LAMA2: variants seen among roughly 807,000 people sequenced by gnomAD.
LAMA2 encodes the protein laminin subunit alpha 2, also known as laminin subunit alpha-2.
LAMA2 carries 269 observed loss-of-function variants against 364.8 expected under a neutral mutation model. The ratio of observed to expected loss-of-function variants is 0.74; its 90% CI spans 0.67 to 0.82. The LOEUF (loss-of-function observed/expected upper bound fraction) is 0.82. LAMA2 is among the 40% of genes least tolerant of loss of function. LAMA2 has a pLI of 0.00. For missense variants in LAMA2, 3,807 were observed against 3,873.2 expected, an observed-to-expected ratio of 0.98 and a Z score of 0.45; for synonymous variants, 1,379 against 1,370.6, an observed-to-expected ratio of 1.01 and a Z score of -0.14.
intron 8 of LAMA2, among the ~76,000 whole-genome samples, chr6:129,161,344 G>C (rs1235925563): frequency 6.6e-6 from 1 of 152,012 alleles, no homozygotes; most frequent in Non-Finnish European, 1.5e-5. Flanking sequence ...ATTACTGTGT[G>C]TTTAGTCCCT....
intron 6 of LAMA2, among the ~76,000 whole-genome samples, chr6:129,148,359 G>A (rs1664900824): frequency 6.6e-6 from 1 of 152,026 alleles, no homozygotes; most frequent in South Asian, 2.1e-4. Context: ...ATCAGATGGA[G>A]GGAGGCAAAG....
At chr6:129,170,941 TC>T (rs1780105306) in intron 9 of LAMA2, among the ~76,000 whole-genome samples, 1 of 151,182 alleles carries the variant, frequency 6.6e-6, no homozygotes, top group African/African-American at 2.4e-5. Context: ...GCCTTCTTTG[TC>T]TCTTTTGATG....
chr6:129,180,005 TATG>T (rs1198493446), intron 10 of LAMA2, among the ~76,000 whole-genome samples: 4 of 151,700 alleles, frequency 2.6e-5, no homozygotes. Context: ...TTCAACAAAA[TATG>T]CATACAATTT....
rs999596967 is a variant in LAMA2, at chr6:129,393,158, T to G, written c.5348T>G (p.Val1783Gly). ...REKLADYKNKVDDAWDLLREA... is the reference protein window; with the variant it reads ...REKLADYKNKGDDAWDLLREA... ...AAACTGGCTGACTACAAAAACAAAG[T>G]TGATGATGCTTGGGACCTTTTGAGA... Residue 1783 changes from valine (V) to glycine (G), a missense_variant, in exon 37 of 65, where the codon GTT becomes GGT. Coordinates refer to ENST00000421865, the MANE Select transcript of LAMA2 (RefSeq NM_000426.4). 4 of 1,613,974 alleles carry G rather than the reference T, an allele frequency of 2.5e-6. No individual in the cohort carries two copies. Among genetic ancestry groups the G allele is most frequent in the Non-Finnish European group, 3.4e-6 (4 of 1,179,916 alleles).
intron 12 of LAMA2, among the ~76,000 whole-genome samples, chr6:129,223,389 T>G (rs577766184): frequency 2.6e-5 from 4 of 152,234 alleles, no homozygotes; most frequent in Non-Finnish European, 4.4e-5. Context: ...GCCCTTGCTT[T>G]TCGTGTTTTA....
At chr6:129,507,321 G>A (rs1786170756) in intron 61 of LAMA2, among the ~76,000 whole-genome samples, 168 bp from the exon 62 acceptor site, 2 of 152,164 alleles carry the variant, frequency 1.3e-5, no homozygotes, top group African/African-American at 4.8e-5. Flanking sequence ...CTGCATCCAT[G>A]CCAGGAGGCC....
At chr6:129,211,849 G>A (rs1783120036) in intron 12 of LAMA2, among the ~76,000 whole-genome samples, 1 of 152,110 alleles carries the variant, frequency 6.6e-6, no homozygotes, top group South Asian at 2.1e-4. Context: ...CAAATTCCTG[G>A]TGAGTGACAA....
chr6:129,504,174 AT>A (rs1243767442), intron 60 of LAMA2, among the ~76,000 whole-genome samples: 8 of 152,176 alleles, frequency 5.3e-5, no homozygotes, highest in Non-Finnish European at 1.2e-4. Flanking sequence ...AAGCCAACCA[AT>A]TTGTTATCAT....
intron 31 of LAMA2, among the ~76,000 whole-genome samples, chr6:129,349,879 AC>A (rs1776762483): frequency 6.6e-6 from 1 of 152,194 alleles, no homozygotes; most frequent in Middle Eastern, 3.4e-3. Flanking sequence ...TAGTACCCAG[AC>A]AATAAAGTAT....
chr6:129,190,223 G>T lies in LAMA2; in HGVS notation c.1486G>T (p.Asp496Tyr). Reference sequence around the variant, plus strand: ...TTTGCAGGAAAATGTTGAAGGAGGAGACTGTAGTCGTTGCAAATCCGGCTT... The same window carrying T: ...TTTGCAGGAAAATGTTGAAGGAGGATACTGTAGTCGTTGCAAATCCGGCTT... ...CICKENVEGG[D>Y]CSRCKSGFFN... Residue 496 changes from aspartate (D) to tyrosine (Y), a missense_variant, in exon 11 of 65, where the codon GAC becomes TAC. Transcript: ENST00000421865. The T allele has an allele frequency of 6.2e-7, 1 of 1,613,606 alleles. No homozygotes were observed. The highest frequency in any genetic ancestry group is 8.5e-7 in the Non-Finnish European group (1 of 1,179,568).
At chr6:129,375,752 T>C (rs1778336138) in intron 34 of LAMA2, among the ~76,000 whole-genome samples, 1 of 152,212 alleles carries the variant, frequency 6.6e-6, no homozygotes, top group African/African-American at 2.4e-5. Flanking sequence ...AATTCATAAA[T>C]CTATATTTTC....
chr6:129,298,301 G>A (rs906623251), intron 21 of LAMA2, among the ~76,000 whole-genome samples: 1 of 151,024 alleles, frequency 6.6e-6, no homozygotes, highest in African/African-American at 2.4e-5. Context: ...TTTTTTCCTG[G>A]TACCCCAAAA....
chr6:129,385,269 G>A (rs973121196), intron 35 of LAMA2, among the ~76,000 whole-genome samples: 5 of 87,084 alleles, frequency 5.7e-5, no homozygotes, highest in Middle Eastern at 7.5e-3. Flanking sequence ...GGGGGGGAAA[G>A]AAGGAAGGGA....
At chr6:129,428,054 A>G (rs1033973714) in intron 41 of LAMA2, among the ~76,000 whole-genome samples, 200 bp downstream of exon 41, 5 of 152,200 alleles carry the variant, frequency 3.3e-5, no homozygotes, top group South Asian at 4.1e-4. Flanking sequence ...GTAATATCTC[A>G]TAATTTGTAA....
In LAMA2 at chr6:129,473,234, A is replaced by G. The variant is rs761249176; in HGVS notation, c.7321A>G (p.Ile2441Val). 6.2e-7 allele frequency: 1 copy of G among 1,601,520 alleles called. No individual in the cohort carries two copies. Among genetic ancestry groups the G allele is most frequent in the East Asian group, 2.2e-5 (1 of 44,648 alleles). ...TACAGCCAATATATCAATTGTAGAT[A>G]TAGATACTAATCAGGAGGAGAATAT... is the stretch of plus-strand genomic sequence containing the variant. ...QKQANISIVDIDTNQEENIAT... is the reference protein window; with the variant it reads ...QKQANISIVDVDTNQEENIAT... Residue 2441 changes from isoleucine (I) to valine (V), a missense_variant, in exon 52 of 65, where the codon ATA (isoleucine) becomes GTA (valine). Physicochemically the swap from Ile to Val is conservative, Grantham distance 29 (BLOSUM62 3). This residue lies in a region of LAMA2 where 3,333 missense variants were observed against 3,345.7 expected (regional missense o/e 1.00). Coordinates refer to ENST00000421865, the MANE Select transcript of LAMA2 (RefSeq NM_000426.4).
chr6:129,314,214 C>G (rs1042139325), intron 23 of LAMA2, among the ~76,000 whole-genome samples: 3 of 152,010 alleles, frequency 2.0e-5, no homozygotes, highest in Non-Finnish European at 2.9e-5. Flanking sequence ...TCCTGGCTAA[C>G]ACGGTGAAAC....
intron 58 of LAMA2, among the ~76,000 whole-genome samples, chr6:129,501,295 C>T (rs1240804026): frequency 6.6e-6 from 1 of 152,086 alleles, no homozygotes; most frequent in Non-Finnish European, 1.5e-5. Context: ...TTCAGCTGTG[C>T]GAATGAATAG....
At chr6:129,326,930 G>A (rs887618603) in intron 28 of LAMA2, among the ~76,000 whole-genome samples, 3 of 150,904 alleles carry the variant, frequency 2.0e-5, no homozygotes, top group Non-Finnish European at 3.0e-5. Context: ...CTTCAGTTAT[G>A]CTTAAACTAA....
At chr6:129,193,981 T>G (rs1307976928) in intron 12 of LAMA2, among the ~76,000 whole-genome samples, 1 of 152,142 alleles carries the variant, frequency 6.6e-6, no homozygotes, top group Non-Finnish European at 1.5e-5. Context: ...CTAAAAGACA[T>G]TTTCAATGAA....
Sources: allele counts gnomAD v4.1 joint callset (sites outside exome capture counted in the v4.1 genomes callset), GRCh38; gene constraint gnomAD v4.1.1; regional missense constraint gnomAD v4.1.1; transcripts MANE v1.5; gene names NCBI Gene and HGNC (gene_info 2026-07-23, HGNC 2026-07-21).